The following CPS1 variants were observed in gnomAD, a reference collection of about 807,000 sequenced individuals.
CPS1 encodes carbamoyl-phosphate synthase [ammonia], mitochondrial.
In CPS1, 109 loss-of-function variants were observed where a neutral mutation model predicts 174.6. The observed-to-expected ratio is 0.62, with a 90% CI of 0.53 to 0.73. The LOEUF (loss-of-function observed/expected upper bound fraction) is 0.73, where lower values mean the gene tolerates loss of function less well. Ranked by LOEUF, CPS1 falls within the 30% of genes least tolerant of loss-of-function variation. CPS1 has a pLI of 0.00. For missense variants in CPS1, 1,689 were observed against 1,821.9 expected (o/e 0.93, Z 1.33); for synonymous variants, 637 against 632.0 (o/e 1.01, Z -0.12).
chr2:210,610,422 A>C (rs980784557), intron 19 of CPS1, among the ~76,000 whole-genome samples: 1 of 152,000 alleles, frequency 6.6e-6, no homozygotes, highest in African/African-American at 2.4e-5. Flanking sequence ...TAAAAAAGGA[A>C]TAGATTATAG....
intron 1 of CPS1, among the ~76,000 whole-genome samples, chr2:210,481,670 AAG>A (rs1694573086): frequency 6.6e-6 from 1 of 152,256 alleles, no homozygotes; most frequent in South Asian, 2.1e-4. Flanking sequence ...AGTCATTTGA[AAG>A]AGAAAACTTA....
In CPS1 at chr2:210,600,557, G is replaced by T; in HGVS notation, c.1552G>T (p.Val518Leu). The stretch of plus-strand genomic sequence containing the variant: ...AATCCTATTTGGTTCTTCTTTAGGA[G>T]TGGAACTATTCAAGAGAGGTGTGCT... ...MGGQTALNCG[V>L]ELFKRGVLKE... is the part of the protein sequence containing the mutation. Residue 518 changes from valine (V) to leucine (L), a missense_variant and splice_region_variant, in exon 15 of 38, where the codon GTG (valine) becomes TTG (leucine). Val to Leu is a conservative substitution (Grantham distance 32). Transcript: ENST00000233072. 6.8e-6 allele frequency: 11 copies of T among 1,611,918 alleles called. No individual in the cohort carries two copies. Among genetic ancestry groups the T allele is most frequent in the Non-Finnish European group, 9.3e-6 (11 of 1,178,652 alleles).
At chr2:210,546,484 T>C (rs968993201) in intron 1 of CPS1, among the ~76,000 whole-genome samples, 4 of 152,144 alleles carry the variant, frequency 2.6e-5, no homozygotes, top group African/African-American at 9.6e-5. Context: ...AGTATATTAA[T>C]TGTATGATAC....
At chr2:210,621,500 C>T (rs2105874373) in intron 21 of CPS1, among the ~76,000 whole-genome samples, 1 of 152,236 alleles carries the variant, frequency 6.6e-6, no homozygotes, top group Non-Finnish European at 1.5e-5. Context: ...TTCCCATACT[C>T]ACTCTCCCAA....
chr2:210,634,355 G>T (rs971933940), intron 21 of CPS1, among the ~76,000 whole-genome samples: 1 of 152,182 alleles, frequency 6.6e-6, no homozygotes, highest in Admixed American at 6.5e-5. Context: ...GTGTGAGCCC[G>T]GGAGGCGGAG....
upstream of CPS1, among the ~76,000 whole-genome samples, chr2:210,552,534 T>C (rs986984899): frequency 2.0e-5 from 3 of 152,040 alleles, no homozygotes; most frequent in Non-Finnish European, 2.9e-5. Context: ...AAGAGGGCAG[T>C]TGGAAGTCTC....
At chr2:210,598,392 T>C (rs913323207) in intron 13 of CPS1, among the ~76,000 whole-genome samples, 2 of 151,716 alleles carry the variant, frequency 1.3e-5, no homozygotes, top group Non-Finnish European at 1.5e-5. Context: ...AGGCTAAATG[T>C]CCCACTTAAA....
intron 1 of CPS1, among the ~76,000 whole-genome samples, chr2:210,546,397 C>A (rs1198489365): frequency 3.3e-5 from 5 of 152,022 alleles, no homozygotes; most frequent in Non-Finnish European, 7.4e-5. Flanking sequence ...TAACTTCGCA[C>A]TGTAGTTAAG....
chr2:210,610,717 A>G (rs1049784480), intron 19 of CPS1, among the ~76,000 whole-genome samples: 15 of 151,792 alleles, frequency 9.9e-5, no homozygotes, highest in Non-Finnish European at 1.8e-4. Flanking sequence ...TAGTGCCGCT[A>G]CACTCCAGCC....
rs1343366506 is a variant in CPS1 at position 210,582,638 on chromosome 2, G to C, written c.550G>C (p.Glu184Gln). The change falls in exon 6 of 38, where the codon GAA becomes CAA. Residue 184 changes from glutamate (E) to glutamine (Q), a missense_variant. Glu to Gln is a conservative substitution (Grantham distance 29). Transcript: ENST00000233072. The stretch of plus-strand genomic sequence containing the variant: ...ATAGGGTACCATGCTTGGGAAGATT[G>C]AATTTGAAGGTCAGCCTGTGGATTT... ...RDKGTMLGKI[E>Q]FEGQPVDFVD... 10 of 1,613,110 alleles carry C rather than the reference G, an allele frequency of 6.2e-6. 1 individual carries two copies. The South Asian group carries it at 1.1e-4, about 18-fold the overall frequency.
In CPS1 at chr2:210,592,861, T is replaced by C; in HGVS notation, c.1087-18T>C. On this transcript the variant is annotated intron_variant, in intron 10 of 37. Transcript: ENST00000233072. The stretch of plus-strand genomic sequence containing the variant: ...CATTGTTACAGAAGGAATTTCTTCC[T>C]GTTTCTTATTCCTTTAGGGGATTAT... The C allele has an allele frequency of 6.2e-7, 1 of 1,603,194 alleles. No homozygotes were observed. Among genetic ancestry groups the C allele is most frequent in the Non-Finnish European group, 8.5e-7 (1 of 1,170,628 alleles).
chr2:210,496,389 G>A (rs1180355303), intron 1 of CPS1, among the ~76,000 whole-genome samples: 1 of 152,092 alleles, frequency 6.6e-6, no homozygotes, highest in East Asian at 1.9e-4. Flanking sequence ...TATTCCTTGG[G>A]TGTCTTTGAA....
chr2:210,675,698 C>G lies in CPS1; in HGVS notation c.4162-30C>G, dbSNP rs762610084. 5 of 993,678 alleles carry G rather than the reference C, an allele frequency of 5.0e-6. No individual in the cohort carries two copies. In the Admixed American group the frequency reaches 6.8e-5, roughly 13 times the overall value. 61.6% of individuals were successfully genotyped at this position (993,678 alleles called of 1,614,324 possible). On this transcript the variant is annotated intron_variant, in intron 35 of 37. Coordinates refer to ENST00000233072, the MANE Select transcript of CPS1 (RefSeq NM_001875.5). The stretch of plus-strand genomic sequence containing the variant: ...ATAAAAATAAGAAATCACTGTGATA[C>G]GGTAATTGATTTTTTCATTTTAAAT...
upstream of CPS1, among the ~76,000 whole-genome samples, chr2:210,553,618 C>T (rs1376399031): frequency 6.6e-6 from 1 of 151,974 alleles, no homozygotes; most frequent in African/African-American, 2.4e-5. Context: ...ATGCCTGTCA[C>T]TCTGCTCAGC....
At chr2:210,545,359 T>C (rs145872966) in intron 1 of CPS1, among the ~76,000 whole-genome samples, 2,169 of 152,198 alleles carry the variant, frequency 0.014, 25 homozygotes, top group Non-Finnish European at 0.025. Context: ...AATTTTATTA[T>C]TCCTGAGTTT....
chr2:210,548,350 T>G (rs1186249353), intron 1 of CPS1, among the ~76,000 whole-genome samples: 1 of 152,094 alleles, frequency 6.6e-6, no homozygotes, highest in Non-Finnish European at 1.5e-5. Context: ...CCGAGTTCTT[T>G]GCTTTTTTAG....
At chr2:210,665,267 A>G (rs1239068269) in intron 33 of CPS1, among the ~76,000 whole-genome samples, 1 of 152,076 alleles carries the variant, frequency 6.6e-6, no homozygotes, top group Non-Finnish European at 1.5e-5. Context: ...TTGCACAGAA[A>G]TTGTAATTTG....
intron 1 of CPS1, among the ~76,000 whole-genome samples, chr2:210,567,583 T>A (rs1697343299): frequency 6.6e-6 from 1 of 152,170 alleles, no homozygotes. Flanking sequence ...TTTTCCCTAG[T>A]GATGGAGGAT....
intron 1 of CPS1, among the ~76,000 whole-genome samples, chr2:210,485,777 C>A (rs1419049756): frequency 6.6e-6 from 1 of 152,044 alleles, no homozygotes; most frequent in Non-Finnish European, 1.5e-5. Context: ...TTTCATTTCT[C>A]TTGTGTAGAT....
Sources: gnomAD v4.1 joint callset for allele counts (sites outside exome capture counted in the v4.1 genomes callset) on GRCh38, gnomAD v4.1.1 for gene constraint, MANE v1.5 for transcripts, NCBI Gene and HGNC (gene_info 2026-07-23, HGNC 2026-07-21) for gene names.